Variants in RYR2 observed in about 807,000 individuals in gnomAD.
RYR2 encodes cardiac muscle ryanodine receptor-calcium release channel.
A neutral mutation model predicts 601.1 loss-of-function variants in RYR2; 227 were observed. The observed-to-expected ratio is 0.38, with a 90% CI of 0.34 to 0.42. RYR2 has a LOEUF of 0.42. Among genes scored for constraint, RYR2 ranks in the 10% least tolerant of loss-of-function variants. The pLI is 1.00. For missense variants in RYR2, 4,646 were observed against 6,156.5 expected, an observed-to-expected ratio of 0.75 and a Z score of 8.21; for synonymous variants, 2,223 against 2,175.1, an observed-to-expected ratio of 1.02 and a Z score of -0.61.
In RYR2 at chr1:237,103,320, A is replaced by G. The variant is rs551066704; in HGVS notation, c.48+60751A>G. ...ATGGCATCACCTACAACGGAAGCTGAAAAGGTCAGTACCTGCTTTCTCCAT... is the reference window on the plus strand; with the variant it reads ...ATGGCATCACCTACAACGGAAGCTGGAAAGGTCAGTACCTGCTTTCTCCAT... On this transcript the variant is annotated intron_variant, in intron 1 of 104. Transcript: ENST00000366574. 7.9e-5 allele frequency among the ~76,000 whole-genome samples: 12 copies of G among 152,342 alleles called. No homozygotes were observed. In the South Asian group the frequency reaches 2.5e-3, roughly 32 times the overall value.
intron 1 of RYR2, among the ~76,000 whole-genome samples, chr1:237,061,284 T>C (rs55653911): frequency 0.36 from 21,275 of 58,738 alleles, 2,151 homozygotes; most frequent in Middle Eastern, 0.47. Context: ...ATCATCTATC[T>C]ATCTATCTAT....
intron 84 of RYR2, among the ~76,000 whole-genome samples, chr1:237,770,261 C>T (rs1694167501): frequency 6.6e-6 from 1 of 152,094 alleles, no homozygotes; most frequent in Non-Finnish European, 1.5e-5. Flanking sequence ...CAGTAGTCAA[C>T]CTGATAACAA....
chr1:237,353,032 C>T (rs996628520), intron 3 of RYR2, among the ~76,000 whole-genome samples: 3 of 151,966 alleles, frequency 2.0e-5, no homozygotes, highest in Admixed American at 6.6e-5. Flanking sequence ...TGAAGATTTG[C>T]GTGTGATACA....
chr1:237,672,003 G>C (rs573651132), intron 58 of RYR2, among the ~76,000 whole-genome samples: 1 of 152,058 alleles, frequency 6.6e-6, no homozygotes, highest in Non-Finnish European at 1.5e-5. Context: ...CAGAGTTACT[G>C]CTCACTCATT....
chr1:237,530,942 A>T (rs1171940992), intron 25 of RYR2, among the ~76,000 whole-genome samples: 1 of 152,128 alleles, frequency 6.6e-6, no homozygotes, highest in African/African-American at 2.4e-5. Context: ...AAAAATTTAA[A>T]CTAACTGAAT....
chr1:237,491,006 A>G (rs1046226966), intron 17 of RYR2, among the ~76,000 whole-genome samples: 2 of 152,168 alleles, frequency 1.3e-5, no homozygotes, highest in African/African-American at 2.4e-5. Flanking sequence ...ATTGTTGACA[A>G]GGCAAGCTTG....
chr1:237,596,388 G>T (rs1675896072), intron 34 of RYR2, among the ~76,000 whole-genome samples: 2 of 152,018 alleles, frequency 1.3e-5, no homozygotes, highest in South Asian at 4.1e-4. Context: ...TGTAACTCAA[G>T]AATTCAATAA....
intron 35 of RYR2, among the ~76,000 whole-genome samples, chr1:237,609,729 G>C (rs74147118): frequency 0.091 from 13,859 of 151,960 alleles, 1,443 homozygotes; most frequent in African/African-American, 0.26. Context: ...TAAAATTGCT[G>C]CCCTTGATTC....
chr1:237,470,847 A>AGGG (rs978174647), intron 17 of RYR2, among the ~76,000 whole-genome samples: 1 of 151,998 alleles, frequency 6.6e-6, no homozygotes, highest in Non-Finnish European at 1.5e-5. Context: ...AAAGAGAGAG[A>AGGG]GGGAGAGATA....
chr1:237,808,530 C>G (rs1660896527), intron 99 of RYR2, among the ~76,000 whole-genome samples: 1 of 151,706 alleles, frequency 6.6e-6, no homozygotes, highest in Admixed American at 6.6e-5. Flanking sequence ...TGTGGTGGCG[C>G]ATGCCTATAA....
intron 84 of RYR2, among the ~76,000 whole-genome samples, chr1:237,767,066 G>A (rs923668914): frequency 4.6e-5 from 7 of 151,954 alleles, no homozygotes; most frequent in African/African-American, 1.2e-4. Flanking sequence ...GATCCAATTC[G>A]ATTCTCCCAA....
intron 1 of RYR2, among the ~76,000 whole-genome samples, chr1:237,136,208 TA>T (rs748524956): frequency 1.3e-5 from 2 of 152,358 alleles, no homozygotes; most frequent in East Asian, 3.9e-4. Context: ...ATTGCTCTGC[TA>T]CCTGCCCAGG....
intron 1 of RYR2, among the ~76,000 whole-genome samples, chr1:237,099,735 G>A (rs535798006): frequency 6.6e-6 from 1 of 152,036 alleles, no homozygotes; most frequent in African/African-American, 2.4e-5. Flanking sequence ...AAGTTTTAGT[G>A]TTTATTTGGG....
chr1:237,480,378 C>CAAAAAAAAAAAAAA (rs61271895), intron 17 of RYR2, among the ~76,000 whole-genome samples: 1 of 57,694 alleles, frequency 1.7e-5, no homozygotes, highest in Non-Finnish European at 4.0e-5. Flanking sequence ...AAGATCATCT[C>CAAAAAAAAAAAAAA]AAAAAAAAAA....
At chr1:237,831,455 CCT>C (rs1448806631) in intron 103 of RYR2, 57 bp from the exon 104 acceptor site, 1 of 894,244 alleles carries the variant, frequency 1.1e-6, no homozygotes, top group South Asian at 1.5e-5. Flanking sequence ...CTAAATATGC[CCT>C]GTTTATCCTA....
intron 47 of RYR2, among the ~76,000 whole-genome samples, chr1:237,641,733 G>A (rs191172561): frequency 4.8e-4 from 73 of 152,126 alleles, no homozygotes; most frequent in African/African-American, 1.7e-3. Flanking sequence ...GTAGAGACGG[G>A]GTTTTGCCAT....
At chr1:237,667,995 T>A (rs577633051) in intron 58 of RYR2, 37 bp downstream of exon 58, 1 of 1,492,008 alleles carries the variant, frequency 6.7e-7, no homozygotes, top group African/African-American at 1.4e-5. Flanking sequence ...AAAAATAATC[T>A]GAGCTCAATT....
chr1:237,771,904 C>A, intron 85 of RYR2, 108 bp from the exon 86 acceptor site: 1 of 677,324 alleles, frequency 1.5e-6, no homozygotes, highest in Non-Finnish European at 2.7e-6. Flanking sequence ...AAACACTGCA[C>A]TAACCCACAA....
At chr1:237,663,367 A>T (rs1420761519) in intron 56 of RYR2, among the ~76,000 whole-genome samples, 17 of 152,220 alleles carry the variant, frequency 1.1e-4, no homozygotes, top group Non-Finnish European at 1.5e-5. Context: ...GCATCATTTT[A>T]TAAAAGGAAT....
Sources: gnomAD v4.1 joint callset for allele counts (sites outside exome capture counted in the v4.1 genomes callset) on GRCh38, gnomAD v4.1.1 for gene constraint, MANE v1.5 for transcripts, NCBI Gene and HGNC (gene_info 2026-07-23, HGNC 2026-07-21) for gene names.